CLASP1: variants seen among roughly 807,000 people sequenced by gnomAD.
CLASP1 encodes CLIP-associating protein 1.
Under a neutral mutation model 192.3 loss-of-function variants are expected in CLASP1, and 38 were observed. That is an observed-to-expected ratio of 0.20 (90% CI 0.15 to 0.26). CLASP1 has a LOEUF of 0.26. Among genes scored for constraint, CLASP1 ranks in the 10% least tolerant of loss-of-function variants. The pLI is 1.00. For missense variants in CLASP1, 1,433 were observed against 1,932.5 expected, an observed-to-expected ratio of 0.74 and a Z score of 4.85; for synonymous variants, 691 against 712.8, an observed-to-expected ratio of 0.97 and a Z score of 0.49.
At chr2:121,364,526 A>G (rs920697147) in intron 36 of CLASP1, 8 of 159,268 alleles carry the variant, frequency 5.0e-5, no homozygotes, top group African/African-American at 1.9e-4. Flanking sequence ...AGAAATGCCT[A>G]GTTTGTCACA....
intron 2 of CLASP1, among the ~76,000 whole-genome samples, chr2:121,532,090 C>A (rs904437949): frequency 6.6e-6 from 1 of 152,108 alleles, no homozygotes. Context: ...CTGCCTCTGG[C>A]GGCTGATAAA....
chr2:121,423,489 T>C (rs1574629715), intron 22 of CLASP1, among the ~76,000 whole-genome samples: 1 of 151,896 alleles, frequency 6.6e-6, no homozygotes, highest in African/African-American at 2.4e-5. Context: ...TTTAATAATA[T>C]AAAAGGAAAA....
chr2:121,648,816 A>G (rs982240144), intron 1 of CLASP1, among the ~76,000 whole-genome samples: 2 of 152,238 alleles, frequency 1.3e-5, no homozygotes, highest in African/African-American at 4.8e-5. Context: ...TGTGCATCCC[A>G]TCAAGCCGGC....
chr2:121,345,247 G>T (rs2063307565), intron 39 of CLASP1, among the ~76,000 whole-genome samples: 1 of 152,194 alleles, frequency 6.6e-6, no homozygotes, highest in South Asian at 2.1e-4. Context: ...AACTAAGGTT[G>T]TAACTGGGGG....
chr2:121,474,273 ATG>A (rs2091276082), intron 8 of CLASP1, among the ~76,000 whole-genome samples: 2 of 152,236 alleles, frequency 1.3e-5, no homozygotes, highest in Non-Finnish European at 1.5e-5. Context: ...CAGGGAAGGC[ATG>A]AAGAAAATGG....
rs115259337 is a variant in CLASP1, at chr2:121,530,443, G to A, written c.196-118C>T. On this transcript the variant is annotated intron_variant, in intron 2 of 39. Coordinates refer to ENST00000263710, the Ensembl canonical transcript of CLASP1. ...CCAGACGCAGTCCGAGAGTCCAGACGCATGCCGACTGGAGGACCAAAGAGA... is the reference window on the plus strand; with the variant it reads ...CCAGACGCAGTCCGAGAGTCCAGACACATGCCGACTGGAGGACCAAAGAGA... 340 of 684,216 alleles carry A rather than the reference G, an allele frequency of 5.0e-4. 2 individuals are homozygous for A. Among genetic ancestry groups the A allele is most frequent in the Admixed American group, 7.9e-4 (30 of 38,094 alleles). The allele number at this position is 684,216 out of a possible 1,614,324, so 42.4% of individuals were successfully genotyped here.
chr2:121,361,048 T>C (rs1487733667), intron 37 of CLASP1, among the ~76,000 whole-genome samples: 1 of 152,216 alleles, frequency 6.6e-6, no homozygotes, highest in Non-Finnish European at 1.5e-5. Flanking sequence ...GGACTCAACT[T>C]TAGACAGATA....
chr2:121,643,554 T>C (rs2072559517), intron 1 of CLASP1, among the ~76,000 whole-genome samples: 2 of 152,220 alleles, frequency 1.3e-5, no homozygotes, highest in Admixed American at 1.3e-4. Context: ...GAACAAAGAT[T>C]ATGACTGTAA....
intron 37 of CLASP1, among the ~76,000 whole-genome samples, chr2:121,361,536 T>C (rs1007290023): frequency 2.0e-5 from 3 of 152,204 alleles, no homozygotes; most frequent in Non-Finnish European, 4.4e-5. Context: ...TGGCCCAGGA[T>C]GGTTTTGAAT....
At chr2:121,423,357 T>C (rs188846014) in intron 22 of CLASP1, among the ~76,000 whole-genome samples, 9 of 152,258 alleles carry the variant, frequency 5.9e-5, no homozygotes, top group African/African-American at 2.2e-4. Context: ...ATATAAAATA[T>C]TGTCTTTTCA....
intron 2 of CLASP1, among the ~76,000 whole-genome samples, chr2:121,558,814 T>C (rs764643940): frequency 2.0e-5 from 3 of 152,218 alleles, no homozygotes; most frequent in Non-Finnish European, 4.4e-5. Flanking sequence ...TAAGGTGATA[T>C]ATTCCCAAGT....
At chr2:121,549,401 A>G (rs1229475032) in intron 2 of CLASP1, among the ~76,000 whole-genome samples, 1 of 152,170 alleles carries the variant, frequency 6.6e-6, no homozygotes, top group African/African-American at 2.4e-5. Flanking sequence ...TCCTAAATAC[A>G]TATATGCACC....
At chr2:121,539,696 C>A (rs937610758) in intron 2 of CLASP1, among the ~76,000 whole-genome samples, 1 of 138,440 alleles carries the variant, frequency 7.2e-6, no homozygotes, top group Non-Finnish European at 1.5e-5. Context: ...AGTCAAGTCA[C>A]GCTAGAAGAA....
At chr2:121,470,271 G>C (rs1301399873) in intron 8 of CLASP1, 1 of 472,714 alleles carries the variant, frequency 2.1e-6, no homozygotes, top group Non-Finnish European at 4.1e-6. Flanking sequence ...TTCACATTCT[G>C]CAACATTTCT....
intron 1 of CLASP1, among the ~76,000 whole-genome samples, chr2:121,624,630 T>C (rs2067985583): frequency 6.6e-6 from 1 of 152,200 alleles, no homozygotes; most frequent in South Asian, 2.1e-4. Flanking sequence ...TTGGCCAGGC[T>C]GGTCTTGAAC....
At chr2:121,625,385 C>A in intron 1 of CLASP1, among the ~76,000 whole-genome samples, 1 of 149,058 alleles carries the variant, frequency 6.7e-6, no homozygotes, top group East Asian at 2.0e-4. Flanking sequence ...AAGCTAAGCA[C>A]AAAGGAGCAT....
At chr2:121,396,070 C>A (rs1406094164) in intron 30 of CLASP1, among the ~76,000 whole-genome samples, 1 of 152,200 alleles carries the variant, frequency 6.6e-6, no homozygotes, top group African/African-American at 2.4e-5. Context: ...TGCCCTATAT[C>A]AATTAAATCA....
intron 9 of CLASP1, among the ~76,000 whole-genome samples, chr2:121,467,827 C>A (rs1286845145): frequency 6.6e-6 from 1 of 152,134 alleles, no homozygotes; most frequent in Admixed American, 6.5e-5. Flanking sequence ...GCTTTTGTTG[C>A]AATTGCTTTT....
At chr2:121,549,408 C>T (rs2057792585) in intron 2 of CLASP1, among the ~76,000 whole-genome samples, 1 of 152,120 alleles carries the variant, frequency 6.6e-6, no homozygotes, top group Admixed American at 6.5e-5. Context: ...TACATATATG[C>T]ACCCCAACAC....
Sources: allele counts gnomAD v4.1 joint callset (sites outside exome capture counted in the v4.1 genomes callset), GRCh38; gene constraint gnomAD v4.1.1; transcripts MANE v1.5; gene names NCBI Gene and HGNC (gene_info 2026-07-23, HGNC 2026-07-21).